Variants in RGS3 observed in about 807,000 individuals in gnomAD.
RGS3 encodes regulator of G-protein signalling 3.
In RGS3, 80 loss-of-function variants were observed where a neutral mutation model predicts 132.6. That is an observed-to-expected ratio of 0.60 (90% CI 0.50 to 0.73). The LOEUF is 0.73. Ranked by LOEUF, RGS3 falls within the 30% of genes least tolerant of loss-of-function variation. RGS3 has a pLI of 0.00. For missense variants in RGS3, 1,382 were observed against 1,530.8 expected (o/e 0.90, Z 1.62); for synonymous variants, 598 against 620.6 (o/e 0.96, Z 0.54).
rs201273029 is a variant in RGS3 at position 113,463,838 on chromosome 9, C to T, written c.415+1637C>T. On this transcript the variant is annotated intron_variant, in intron 3 of 24. Transcript: ENST00000350696. This position sits in a 1 kb window ranked among gnomAD's most constrained non-coding sequence, Gnocchi z 4.6. ...CCCTGCACCGCGTCTCCCTCGGGAGCCGGCGTGCCCACCCGGACTTGTCCT... is the reference window on the plus strand; with the variant it reads ...CCCTGCACCGCGTCTCCCTCGGGAGTCGGCGTGCCCACCCGGACTTGTCCT... 3.7e-6 allele frequency: 6 copies of T among 1,613,006 alleles called. No individual in the cohort carries two copies. The highest frequency in any genetic ancestry group is 1.7e-4 in the Middle Eastern group (1 of 6,058).
chr9:113,576,677 G>T (rs952767464), intron 19 of RGS3, among the ~76,000 whole-genome samples: 1 of 152,196 alleles, frequency 6.6e-6, no homozygotes, highest in African/African-American at 2.4e-5. Context: ...GGTGGGGAGT[G>T]GTCAGACGTG....
chr9:113,563,907 C>T (rs760634814), intron 19 of RGS3, among the ~76,000 whole-genome samples: 14 of 152,188 alleles, frequency 9.2e-5, no homozygotes, highest in Non-Finnish European at 1.8e-4. Flanking sequence ...ACAGAGACAC[C>T]GTGCTTCAGC....
chr9:113,454,377 G>A (rs900725152), intron 1 of RGS3, among the ~76,000 whole-genome samples: 4 of 152,124 alleles, frequency 2.6e-5, no homozygotes, highest in Non-Finnish European at 5.9e-5. Flanking sequence ...GGAGGCTGAG[G>A]TGGGTGGATC....
chr9:113,533,177 C>A (rs1376306718), intron 18 of RGS3, among the ~76,000 whole-genome samples: 4 of 152,182 alleles, frequency 2.6e-5, no homozygotes, highest in Non-Finnish European at 5.9e-5. Context: ...CCATGCCCTT[C>A]CTGCCTCTTC....
At chr9:113,488,662 T>A (rs1337092701) in intron 7 of RGS3, among the ~76,000 whole-genome samples, 1 of 152,132 alleles carries the variant, frequency 6.6e-6, no homozygotes, top group Non-Finnish European at 1.5e-5. Context: ...TGGGGCAGTG[T>A]CTCCACGTGT....
At position 113,492,411 on chromosome 9, in the gene RGS3, G is replaced by T. The variant is rs530912894; in HGVS notation, c.690-3375G>T. Among the ~76,000 whole-genome samples the T allele has an allele frequency of 9.0e-4, 137 of 152,310 alleles. 2 individuals are homozygous for T. Among genetic ancestry groups the T allele is most frequent in the African/African-American group, 3.1e-3 (129 of 41,570 alleles). ...AATTTGTTGCCTGCACTGTTCATCT[G>T]TCAATCGCACCCTGTCTTGTGACAT... On this transcript the variant is annotated intron_variant, in intron 7 of 24. Transcript: ENST00000350696.
Position 113,503,665 on chromosome 9 carries a change from G to C in RGS3, c.898-1777G>C, listed in dbSNP as rs150630028. 6.6e-4 allele frequency among the ~76,000 whole-genome samples: 100 copies of C among 152,312 alleles called. 1 individual carries two copies. The South Asian group carries it at 0.015, about 23-fold the overall frequency. ...TCCAGAGCCCAGGGTGCTGGGATGG[G>C]TTTTCTATGCAGGGGGCTTTGGCCC... On this transcript the variant is annotated intron_variant, in intron 10 of 24. Transcript: ENST00000350696.
chr9:113,462,127 T>C (rs1236819316), exon 3 of RGS3: 1 of 1,614,070 alleles, frequency 6.2e-7, no homozygotes, highest in African/African-American at 1.3e-5. Flanking sequence ...GATATCGCTC[T>C]GCCCAGAAGA....
chr9:113,452,904 T>C (rs900818901), intron 1 of RGS3, among the ~76,000 whole-genome samples: 1 of 137,540 alleles, frequency 7.3e-6, no homozygotes, highest in African/African-American at 2.7e-5. Flanking sequence ...TATATATAAA[T>C]ATATATTATA....
intron 19 of RGS3, among the ~76,000 whole-genome samples, chr9:113,562,787 A>T (rs1304019555): frequency 6.6e-6 from 1 of 152,170 alleles, no homozygotes; most frequent in African/African-American, 2.4e-5. Context: ...CTGGACTGGG[A>T]GTTAGCAATC....
chr9:113,503,969 A>G (rs1831025562), intron 10 of RGS3, among the ~76,000 whole-genome samples: 2 of 151,900 alleles, frequency 1.3e-5, no homozygotes, highest in African/African-American at 4.8e-5. Context: ...TCTTATGGGA[A>G]CGGGGTATTT....
intron 7 of RGS3, among the ~76,000 whole-genome samples, chr9:113,490,817 A>G (rs1830488946): frequency 7.4e-6 from 1 of 135,188 alleles, no homozygotes; most frequent in Non-Finnish European, 1.5e-5. Context: ...ATATATAACA[A>G]TTATAATTAT....
At chr9:113,527,702 G>T (rs1218911243) in intron 17 of RGS3, among the ~76,000 whole-genome samples, 1 of 152,190 alleles carries the variant, frequency 6.6e-6, no homozygotes, top group Non-Finnish European at 1.5e-5. Flanking sequence ...CTTCGAGGGG[G>T]CCTGGCCTTC....
intron 16 of RGS3, 145 bp from the exon 15 acceptor site, chr9:113,522,785 T>G (rs1832018303): frequency 1.4e-6 from 1 of 705,986 alleles, no homozygotes; most frequent in South Asian, 1.6e-5. Flanking sequence ...GAGGCTGTAC[T>G]GAGCACTGCT....
rs147315356 is a variant in RGS3 at position 113,548,971 on chromosome 9, C to T, written c.2037+12053C>T. Among the ~76,000 whole-genome samples, 116 of 152,320 alleles carry T rather than the reference C, an allele frequency of 7.6e-4. 1 individual carries two copies. Among genetic ancestry groups the T allele is most frequent in the African/African-American group, 2.4e-3 (101 of 41,568 alleles). On this transcript the variant is annotated intron_variant, in intron 19 of 24. Transcript: ENST00000350696. ...CCTCAGCCAGCCGGCTGTCCAGTGC[C>T]ACACCTCCTCTTGCTGGTGTCCCCT...
chr9:113,492,169 A>C (rs1830540451), intron 7 of RGS3, among the ~76,000 whole-genome samples: 1 of 152,248 alleles, frequency 6.6e-6, no homozygotes, highest in South Asian at 2.1e-4. Flanking sequence ...ATTTCCTCAA[A>C]AAATAATCTA....
intron 3 of RGS3, among the ~76,000 whole-genome samples, chr9:113,473,049 A>G (rs1315684096): frequency 7.2e-5 from 11 of 152,132 alleles, no homozygotes; most frequent in Non-Finnish European, 1.5e-5. Flanking sequence ...TCAATAATAA[A>G]CAAAACTGAT....
chr9:113,474,875 T>C (rs1401883536), intron 3 of RGS3, among the ~76,000 whole-genome samples: 1 of 152,206 alleles, frequency 6.6e-6, no homozygotes, highest in Admixed American at 6.5e-5. Context: ...TCCCTGAGTC[T>C]AGCAAAGGTG....
intron 19 of RGS3, chr9:113,541,491 A>G: frequency 6.3e-7 from 1 of 1,585,140 alleles, no homozygotes; most frequent in Non-Finnish European, 8.6e-7. Context: ...CCCCTACCAC[A>G]CAGTAACCTC....
Sources: allele counts gnomAD v4.1 joint callset (sites outside exome capture counted in the v4.1 genomes callset), GRCh38; gene constraint gnomAD v4.1.1; non-coding constraint Gnocchi (gnomAD v3.1); transcripts MANE v1.5; gene names NCBI Gene and HGNC (gene_info 2026-07-23, HGNC 2026-07-21).